The following GALNT13 variants were observed in gnomAD, a reference collection of about 807,000 sequenced individuals.
The protein encoded by GALNT13 is UDP-GalNAc:polypeptide N-acetylgalactosaminyltransferase 13.
Under a neutral mutation model 64.2 loss-of-function variants are expected in GALNT13, and 28 were observed. The ratio of observed to expected loss-of-function variants is 0.44; its 90% CI spans 0.32 to 0.60. The LOEUF (loss-of-function observed/expected upper bound fraction) is 0.60, where lower values mean the gene tolerates loss of function less well. Ranked by LOEUF, GALNT13 falls within the 20% of genes least tolerant of loss-of-function variation. The pLI, the probability that GALNT13 is intolerant of heterozygous loss-of-function variation, is 0.05. For missense variants in GALNT13, 577 were observed against 669.8 expected, an observed-to-expected ratio of 0.86 and a Z score of 1.53; for synonymous variants, 214 against 224.6, an observed-to-expected ratio of 0.95 and a Z score of 0.42.
At chr2:154,063,665 G>C (rs181211477) in intron 3 of GALNT13, among the ~76,000 whole-genome samples, 3 of 152,056 alleles carry the variant, frequency 2.0e-5, no homozygotes, top group Non-Finnish European at 4.4e-5. Flanking sequence ...TTTTGAACTA[G>C]AGCAATCAAA....
chr2:154,353,776 G>T (rs987031492), intron 9 of GALNT13, among the ~76,000 whole-genome samples: 4 of 152,084 alleles, frequency 2.6e-5, no homozygotes, highest in Non-Finnish European at 5.9e-5. Context: ...ATATTCCATT[G>T]TGTAGGATGG....
At chr2:153,230,980 G>C in the GALNT13 span, among the ~76,000 whole-genome samples, 2 of 152,072 alleles carry the variant, frequency 1.3e-5, no homozygotes, top group African/African-American at 4.8e-5. Context: ...TTTAGATTTG[G>C]ACATGGGTGA....
At chr2:153,306,864 G>T in the GALNT13 span, among the ~76,000 whole-genome samples, 4 of 152,112 alleles carry the variant, frequency 2.6e-5, no homozygotes, top group Non-Finnish European at 5.9e-5. Flanking sequence ...AGCCTCCCAG[G>T]TAGCTGGGAT....
chr2:153,652,952 A>G, the GALNT13 span, among the ~76,000 whole-genome samples: 1 of 152,100 alleles, frequency 6.6e-6, no homozygotes, highest in Admixed American at 6.6e-5. Flanking sequence ...AATAAAAATG[A>G]GGTAGTATAA....
the GALNT13 span, among the ~76,000 whole-genome samples, chr2:153,769,942 T>C: frequency 1.3e-5 from 2 of 152,236 alleles, no homozygotes; most frequent in African/African-American, 4.8e-5. Flanking sequence ...TTTGTAATGA[T>C]GTCAATCTCT....
chr2:154,059,543 C>T (rs1225170171), intron 3 of GALNT13, among the ~76,000 whole-genome samples: 1 of 152,060 alleles, frequency 6.6e-6, no homozygotes, highest in Non-Finnish European at 1.5e-5. Flanking sequence ...TTAAGCTATT[C>T]TGTAAAATCT....
chr2:154,234,984 A>G (rs1217841630), intron 4 of GALNT13, among the ~76,000 whole-genome samples: 1 of 152,192 alleles, frequency 6.6e-6, no homozygotes, highest in Non-Finnish European at 1.5e-5. Flanking sequence ...ATATTCTAAT[A>G]TGGGATTAGG....
intron 3 of GALNT13, among the ~76,000 whole-genome samples, chr2:154,094,134 C>A (rs1201088945): frequency 6.6e-6 from 1 of 151,744 alleles, no homozygotes; most frequent in Non-Finnish European, 1.5e-5. Context: ...TTTCCCAGGC[C>A]GATTTCTTAT....
chr2:153,315,693 A>G, the GALNT13 span, among the ~76,000 whole-genome samples: 1 of 152,234 alleles, frequency 6.6e-6, no homozygotes, highest in South Asian at 2.1e-4. Flanking sequence ...GGTTGGTATC[A>G]TTAACATTCA....
intron 2 of GALNT13, among the ~76,000 whole-genome samples, chr2:153,919,942 G>A (rs1379689541): frequency 6.7e-6 from 1 of 148,234 alleles, no homozygotes; most frequent in Admixed American, 6.8e-5. Context: ...GGTTGGACTT[G>A]AATCAACATT....
intron 4 of GALNT13, among the ~76,000 whole-genome samples, chr2:154,211,167 A>G (rs932278358): frequency 3.3e-5 from 5 of 152,160 alleles, no homozygotes; most frequent in African/African-American, 1.2e-4. Context: ...TTTGTCATGC[A>G]AACATCATAG....
the GALNT13 span, among the ~76,000 whole-genome samples, chr2:153,117,529 T>C: frequency 3.3e-5 from 5 of 152,128 alleles, no homozygotes; most frequent in Admixed American, 3.3e-4. Flanking sequence ...ATGGAAAAAG[T>C]GGGAATGGGA....
At chr2:153,416,565 A>G in the GALNT13 span, among the ~76,000 whole-genome samples, 1 of 152,192 alleles carries the variant, frequency 6.6e-6, no homozygotes, top group African/African-American at 2.4e-5. Context: ...ACTTTTGTCT[A>G]TCAAAGTTGT....
intron 9 of GALNT13, among the ~76,000 whole-genome samples, chr2:154,367,797 A>G (rs899994481): frequency 2.0e-5 from 3 of 152,186 alleles, no homozygotes; most frequent in African/African-American, 7.2e-5. Context: ...CTATAAACAT[A>G]TTTTTAAATG....
At chr2:154,091,827 AT>A (rs1480686956) in intron 3 of GALNT13, among the ~76,000 whole-genome samples, 1 of 151,884 alleles carries the variant, frequency 6.6e-6, no homozygotes, top group African/African-American at 2.4e-5. Flanking sequence ...ATTCATTGAG[AT>A]AAGAGATATT....
chr2:154,402,765 C>T (rs1036909596), intron 10 of GALNT13, among the ~76,000 whole-genome samples: 43 of 152,292 alleles, frequency 2.8e-4, no homozygotes, highest in African/African-American at 1.0e-3. Flanking sequence ...TAATATGGTA[C>T]CGTTGACAAA....
At chr2:153,126,296 GTATATATATATATA>G in the GALNT13 span, among the ~76,000 whole-genome samples, 7,059 of 117,360 alleles carry the variant, frequency 0.06, 330 homozygotes, top group Non-Finnish European at 0.074. Flanking sequence ...TATTGATTTT[GTATATATATATATA>G]TATATATATA....
chr2:153,383,878 T>C, the GALNT13 span, among the ~76,000 whole-genome samples: 1 of 151,936 alleles, frequency 6.6e-6, no homozygotes, highest in Admixed American at 6.6e-5. Context: ...TTAAGACTCA[T>C]GGGGAAAGAG....
At chr2:153,553,721 C>T in the GALNT13 span, among the ~76,000 whole-genome samples, 202 of 152,230 alleles carry the variant, frequency 1.3e-3, 1 homozygote, top group Middle Eastern at 3.4e-3. Flanking sequence ...TGACAACTCC[C>T]CATTTCCAGG....
Sources: allele counts gnomAD v4.1 joint callset (sites outside exome capture counted in the v4.1 genomes callset), GRCh38; gene constraint gnomAD v4.1.1; transcripts MANE v1.5; gene names NCBI Gene and HGNC (gene_info 2026-07-23, HGNC 2026-07-21).